The following DNAJC17 variants were observed in gnomAD, a reference collection of about 807,000 sequenced individuals.
DNAJC17 encodes dnaJ homolog subfamily C member 17.
A neutral mutation model predicts 48.1 loss-of-function variants in DNAJC17; 35 were observed. The observed-to-expected ratio is 0.73, with a 90% CI of 0.56 to 0.96. The LOEUF (loss-of-function observed/expected upper bound fraction) is 0.96. Among genes scored for constraint, DNAJC17 ranks in the 50% least tolerant of loss-of-function variants. The pLI, the probability that DNAJC17 is intolerant of heterozygous loss-of-function variation, is 0.00. For synonymous variants in DNAJC17, 117 were observed against 142.7 expected, an observed-to-expected ratio of 0.82 and a Z score of 1.28; for missense variants, 355 against 377.1, an observed-to-expected ratio of 0.94 and a Z score of 0.48.
At chr15:40,775,924 G>A (rs1033428208) in intron 6 of DNAJC17, among the ~76,000 whole-genome samples, 2 of 152,130 alleles carry the variant, frequency 1.3e-5, no homozygotes, top group African/African-American at 2.4e-5. Flanking sequence ...GCCCCTCCCC[G>A]TGGTGATCTG....
rs1416763307 is a variant in DNAJC17 at position 40,784,046 on chromosome 15, G to A, written c.79-4049C>T. 2.6e-5 allele frequency among the ~76,000 whole-genome samples: 4 copies of A among 151,964 alleles called. No individual in the cohort carries two copies. The East Asian group carries it at 7.7e-4, about 29-fold the overall frequency. On this transcript the variant is annotated intron_variant, in intron 1 of 10. Coordinates refer to ENST00000220496, the MANE Select transcript of DNAJC17 (RefSeq NM_018163.3). ...ATTCGAGACCAGCCTGGCCAACGTG[G>A]TAAAACCCCGTCTCTACCAAAAATA...
chr15:40,794,404 G>A (rs755979607), intron 1 of DNAJC17, among the ~76,000 whole-genome samples: 2 of 150,692 alleles, frequency 1.3e-5, no homozygotes, highest in Non-Finnish European at 3.0e-5. Context: ...GGGCACAGTG[G>A]CTCATGCCTG....
At chr15:40,800,840 T>C (rs1890057446) in intron 1 of DNAJC17, among the ~76,000 whole-genome samples, 1 of 151,920 alleles carries the variant, frequency 6.6e-6, no homozygotes, top group South Asian at 2.1e-4. Context: ...GAGCCTGTAA[T>C]CTCGGCTACT....
rs549267668 is a variant in DNAJC17, at chr15:40,769,136, C to G, written c.793-1074G>C. On this transcript the variant is annotated intron_variant, in intron 10 of 10. Coordinates refer to ENST00000220496, the MANE Select transcript of DNAJC17 (RefSeq NM_018163.3). This position sits in a 1 kb window ranked among gnomAD's most constrained non-coding sequence, Gnocchi z 4.2. ...TCAGCCTGGGTTCCCCTGTTCCTCC[C>G]GATGGCTGCACCCCTCCCCTCTCCC... Among the ~76,000 whole-genome samples the G allele has an allele frequency of 6.6e-6, 1 of 152,204 alleles. No individual in the cohort carries two copies. The highest frequency in any genetic ancestry group is 2.4e-5 in the African/African-American group (1 of 41,450).
At chr15:40,796,691 C>G (rs1380729220) in intron 1 of DNAJC17, among the ~76,000 whole-genome samples, 1 of 152,226 alleles carries the variant, frequency 6.6e-6, no homozygotes, top group African/African-American at 2.4e-5. Context: ...GCCGGTATGT[C>G]AGTTCCTCAA....
At position 40,765,810 on chromosome 15, in the gene DNAJC17, T is replaced by C. The variant is rs780167923; in HGVS notation, c.*2130A>G. On this transcript the variant is annotated 3_prime_UTR_variant, in exon 11 of 11. Coordinates refer to ENST00000220496, the MANE Select transcript of DNAJC17 (RefSeq NM_018163.3). The stretch of plus-strand genomic sequence containing the variant: ...TCCTGGCAGCCAGCCAAGCAGCCAC[T>C]GTGGCTTACCTTGCAGGAGGTGGGC... 18 of 1,444,584 alleles carry C rather than the reference T, an allele frequency of 1.2e-5. No homozygotes were observed. The highest frequency in any genetic ancestry group is 1.6e-5 in the Non-Finnish European group (17 of 1,051,678). The allele number at this position is 1,444,584 out of a possible 1,614,324, so 89.5% of individuals were successfully genotyped here. A position where few individuals can be genotyped will look rare whatever the true frequency, so the allele number is the denominator to read the frequency against.
Position 40,767,381 on chromosome 15 carries a change from C to T in DNAJC17, c.*559G>A, listed in dbSNP as rs1346368911. On this transcript the variant is annotated 3_prime_UTR_variant, in exon 11 of 11. Coordinates refer to ENST00000220496, the MANE Select transcript of DNAJC17 (RefSeq NM_018163.3). ...CATGCTGATTTGCAGACGGGGCACC[C>T]CTGTGGAGGGGCTGCTGTGGGCCCT... The T allele has an allele frequency of 1.9e-6, 3 of 1,574,624 alleles. No homozygotes were observed. The Admixed American group carries it at 5.6e-5, about 29-fold the overall frequency.
intron 10 of DNAJC17, among the ~76,000 whole-genome samples, chr15:40,773,352 G>A (rs902324805): frequency 6.6e-6 from 1 of 152,164 alleles, no homozygotes. Context: ...GAAGTGCTGG[G>A]AAGGAAGTGG....
In DNAJC17 at chr15:40,793,737, G is replaced by A. The variant is rs149935410; in HGVS notation, c.78+13632C>T. Among the ~76,000 whole-genome samples the A allele has an allele frequency of 5.4e-4, 82 of 152,070 alleles. No individual in the cohort carries two copies. The East Asian group carries it at 0.015, about 28-fold the overall frequency. On this transcript the variant is annotated intron_variant, in intron 1 of 10. Coordinates refer to ENST00000220496, the MANE Select transcript of DNAJC17 (RefSeq NM_018163.3). ...AACAGCAAGAACTGACTCATAGTGA[G>A]CGCTCACTCTATGCCAGGCACTGTG...
chr15:40,782,739 G>A (rs1363069619), intron 1 of DNAJC17, among the ~76,000 whole-genome samples: 1 of 152,156 alleles, frequency 6.6e-6, no homozygotes, highest in Non-Finnish European at 1.5e-5. Context: ...TCCACAAGGT[G>A]AGCACCTGCT....
In DNAJC17 at chr15:40,770,846, G is replaced by A. The variant is rs368474634; in HGVS notation, c.793-2784C>T. 7.3e-5 allele frequency: 113 copies of A among 1,551,410 alleles called. No homozygotes were observed. The African/African-American group carries it at 1.1e-3, about 15-fold the overall frequency. On this transcript the variant is annotated intron_variant, in intron 10 of 10. Coordinates refer to ENST00000220496, the MANE Select transcript of DNAJC17 (RefSeq NM_018163.3). This position sits in a 1 kb window ranked among gnomAD's most constrained non-coding sequence, Gnocchi z 5.0. ...CCCTGCCATCGGCGCTCTCTCTGTC[G>A]AGTGCCCTCCACCAGCACTCAGAGA...
At chr15:40,775,370 G>A (rs1235093782) in intron 7 of DNAJC17, 183 bp downstream of exon 7, 2 of 783,442 alleles carry the variant, frequency 2.6e-6, no homozygotes, top group East Asian at 4.9e-5. Flanking sequence ...AGGGCTAAAA[G>A]CAGCCTTTCG....
In DNAJC17 at chr15:40,770,602, C is replaced by T; in HGVS notation, c.793-2540G>A. On this transcript the variant is annotated intron_variant, in intron 10 of 10. Coordinates refer to ENST00000220496, the MANE Select transcript of DNAJC17 (RefSeq NM_018163.3). The surrounding 1 kb of genome is among the most constrained non-coding windows in gnomAD (Gnocchi z 5.0). ...CGACAGAGTAGTGTGCTTAGCCAGG[C>T]CAGCACAGCAGGTGGGGACCACGAG... 1 of 1,550,730 alleles carries T rather than the reference C, an allele frequency of 6.4e-7. No individual in the cohort carries two copies. The highest frequency in any genetic ancestry group is 8.7e-7 in the Non-Finnish European group (1 of 1,146,994).
rs936594664 is a variant in DNAJC17 at position 40,769,181 on chromosome 15, T to C, written c.793-1119A>G. Among the ~76,000 whole-genome samples, 4 of 152,158 alleles carry C rather than the reference T, an allele frequency of 2.6e-5. No individual in the cohort carries two copies. The highest frequency in any genetic ancestry group is 2.9e-5 in the Non-Finnish European group (2 of 68,014). On this transcript the variant is annotated intron_variant, in intron 10 of 10. Transcript: ENST00000220496. The surrounding 1 kb of genome is among the most constrained non-coding windows in gnomAD (Gnocchi z 4.2). ...TCTCCCCGGCTGCAGCAGTCCCAGCTAGGCCGGACTGCTAAGCCTGGCCCA... is the reference window on the plus strand; with the variant it reads ...TCTCCCCGGCTGCAGCAGTCCCAGCCAGGCCGGACTGCTAAGCCTGGCCCA...
intron 6 of DNAJC17, 151 bp downstream of exon 6, chr15:40,776,045 T>C (rs1889308730): frequency 7.5e-6 from 5 of 664,036 alleles, no homozygotes; most frequent in African/African-American, 1.8e-5. Context: ...ACGGGATAAG[T>C]GGCATGTGTC....
In DNAJC17 at chr15:40,775,228, C is replaced by T. The variant is rs142790085; in HGVS notation, c.523-120G>A. On this transcript the variant is annotated intron_variant, in intron 7 of 10. Coordinates refer to ENST00000220496, the MANE Select transcript of DNAJC17 (RefSeq NM_018163.3). ...TCCAAGCCTCCAAGGCTCCTGCAAT[C>T]TGGGGAGTGCCACCAGAAACATTTT... 1.9e-4 allele frequency: 208 copies of T among 1,097,586 alleles called. No individual in the cohort carries two copies. The African/African-American group carries it at 2.7e-3, about 14-fold the overall frequency. 68.0% of individuals were successfully genotyped at this position (1,097,586 alleles called of 1,614,324 possible).
intron 1 of DNAJC17, among the ~76,000 whole-genome samples, chr15:40,803,116 G>GA (rs1016942704): frequency 4.8e-5 from 5 of 104,686 alleles, no homozygotes; most frequent in Admixed American, 9.3e-5. Context: ...AAAAAAAAAA[G>GA]AAAAAAAAAG....
chr15:40,776,922 C>A, intron 4 of DNAJC17: 1 of 325,636 alleles, frequency 3.1e-6, no homozygotes, highest in South Asian at 4.2e-5. Context: ...ATGTCAGCAG[C>A]CCAGGGCCAT....
intron 1 of DNAJC17, among the ~76,000 whole-genome samples, chr15:40,795,816 C>G (rs969825083): frequency 1.3e-5 from 2 of 152,038 alleles, no homozygotes; most frequent in African/African-American, 2.4e-5. Context: ...CGCTTGAACC[C>G]GAAAGGCAGA....
Sources: allele counts gnomAD v4.1 joint callset (sites outside exome capture counted in the v4.1 genomes callset), GRCh38; gene constraint gnomAD v4.1.1; non-coding constraint Gnocchi (gnomAD v3.1); transcripts MANE v1.5; gene names NCBI Gene and HGNC (gene_info 2026-07-23, HGNC 2026-07-21).